The following FAM135A variants were observed in gnomAD, a reference collection of about 807,000 sequenced individuals.
The protein encoded by FAM135A is protein FAM135A.
Under a neutral mutation model 146.8 loss-of-function variants are expected in FAM135A, and 79 were observed. That is an observed-to-expected ratio of 0.54 (90% CI 0.45 to 0.65). FAM135A has a LOEUF of 0.65. FAM135A is among the 30% of genes least tolerant of loss of function. FAM135A has a pLI of 0.00. For synonymous variants in FAM135A, 562 were observed against 603.6 expected (o/e 0.93, Z 1.01); for missense variants, 1,623 against 1,758.2 (o/e 0.92, Z 1.38).
intron 4 of FAM135A, among the ~76,000 whole-genome samples, chr6:70,434,273 G>A (rs1387956324): frequency 1.3e-5 from 2 of 152,180 alleles, no homozygotes; most frequent in Admixed American, 1.3e-4. Flanking sequence ...AAGGATAAGA[G>A]GATGGAATTA....
chr6:70,417,836 T>G (rs1408017357), intron 2 of FAM135A, among the ~76,000 whole-genome samples: 3 of 152,240 alleles, frequency 2.0e-5, no homozygotes, highest in African/African-American at 4.8e-5. Context: ...TTTTATCTTT[T>G]GGAATTGAGA....
chr6:70,425,660 A>G (rs1388492899), intron 2 of FAM135A, among the ~76,000 whole-genome samples: 2 of 152,230 alleles, frequency 1.3e-5, no homozygotes, highest in African/African-American at 4.8e-5. Context: ...GAGGAAAACT[A>G]TCCATAGCAC....
chr6:70,489,396 A>AT (rs112004172), intron 10 of FAM135A, among the ~76,000 whole-genome samples: 30,702 of 152,088 alleles, frequency 0.2, 3,401 homozygotes, highest in African/African-American at 0.29. Flanking sequence ...TCTAAATACA[A>AT]TTTACTTGTA....
At chr6:70,438,702 C>A (rs767471286) in intron 4 of FAM135A, among the ~76,000 whole-genome samples, 3 of 152,068 alleles carry the variant, frequency 2.0e-5, no homozygotes, top group Non-Finnish European at 4.4e-5. Flanking sequence ...CGAAAGTTCT[C>A]GACTTTAGGA....
At position 70,441,685 on chromosome 6, in the gene FAM135A, A is replaced by T. The variant is rs1211704; in HGVS notation, c.78-10807A>T. 5.1e-3 allele frequency among the ~76,000 whole-genome samples: 719 copies of T among 140,938 alleles called. 1 individual carries two copies. Among genetic ancestry groups the T allele is most frequent in the African/African-American group, 8.6e-3 (327 of 38,196 alleles). The allele number at this position is 140,938 out of a possible 152,430, so 92.5% of individuals were successfully genotyped here. On this transcript the variant is annotated intron_variant, in intron 4 of 21. Coordinates refer to ENST00000418814, the MANE Select transcript of FAM135A (RefSeq NM_001162529.3). ...TCCTTTCAGTTAACAGCATTAGCAA[A>T]TTTTTTTTTTTTTTTTTGAGATGGA...
chr6:70,429,550 ATATT>A (rs1771004864), intron 4 of FAM135A, among the ~76,000 whole-genome samples: 1 of 152,090 alleles, frequency 6.6e-6, no homozygotes, highest in African/African-American at 2.4e-5. Flanking sequence ...AAAAAAAAGA[ATATT>A]TAGGAAATTG....
At chr6:70,486,318 C>T in intron 10 of FAM135A, 2 of 1,250,752 alleles carry the variant, frequency 1.6e-6, no homozygotes, top group South Asian at 2.6e-5. Flanking sequence ...AAATTAGCAT[C>T]AGATTTCATA....
At chr6:70,485,544 A>G (rs1784455101) in intron 10 of FAM135A, among the ~76,000 whole-genome samples, 1 of 152,202 alleles carries the variant, frequency 6.6e-6, no homozygotes. Context: ...ACCAGTTTTA[A>G]TAAGTGGATA....
chr6:70,532,989 A>G (rs889593979), intron 16 of FAM135A, among the ~76,000 whole-genome samples, 171 bp from the exon 17 acceptor site: 3 of 152,122 alleles, frequency 2.0e-5, no homozygotes, highest in African/African-American at 7.2e-5. Flanking sequence ...TTGCCTGGCT[A>G]ATAGAAATCA....
intron 20 of FAM135A, 133 bp from the exon 21 acceptor site, chr6:70,556,614 GATC>G: frequency 3.6e-6 from 2 of 556,486 alleles, no homozygotes; most frequent in Non-Finnish European, 6.1e-6. Flanking sequence ...TTGGAGAAAG[GATC>G]ATCAAGTATT....
At chr6:70,469,460 C>T (rs1325832585) in intron 5 of FAM135A, among the ~76,000 whole-genome samples, 1 of 152,178 alleles carries the variant, frequency 6.6e-6, no homozygotes, top group Non-Finnish European at 1.5e-5. Flanking sequence ...TTGTATACAA[C>T]TTCTTATCTG....
At chr6:70,444,865 T>C (rs1775352775) in intron 4 of FAM135A, among the ~76,000 whole-genome samples, 1 of 152,212 alleles carries the variant, frequency 6.6e-6, no homozygotes, top group South Asian at 2.1e-4. Flanking sequence ...TTTAACAGTT[T>C]ATTGACATAG....
intron 10 of FAM135A, among the ~76,000 whole-genome samples, chr6:70,486,421 CTAAT>C (rs912882928): frequency 2.0e-5 from 3 of 151,906 alleles, no homozygotes; most frequent in African/African-American, 7.3e-5. Context: ...GGTTAATTTC[CTAAT>C]TAATTTGTAA....
intron 8 of FAM135A, 82 bp from the exon 9 acceptor site, chr6:70,480,819 T>C: frequency 7.2e-7 from 1 of 1,388,104 alleles, no homozygotes; most frequent in Non-Finnish European, 9.6e-7. Context: ...GTTCTATTCC[T>C]GTAAGATTTT....
Position 70,538,305 on chromosome 6 carries a change from C to A in FAM135A, c.4132C>A (p.Gln1378Lys). ...TGACTCTCTAGGTCTCTGGTTTATG[C>A]AGAAATGGAAAAAATCAGGTTCGCT... ...ALVNTGLWFM[Q>K]KWKKSGSLLQ... Residue 1378 changes from glutamine to lysine, a missense_variant, in exon 20 of 22, where the codon CAG becomes AAG. Around this residue, in one of 7 missense-constraint regions of FAM135A, gnomAD observed 138 missense variants for 174.1 expected, o/e 0.79. Transcript: ENST00000418814. 6.6e-7 allele frequency: 1 copy of A among 1,509,716 alleles called. No homozygotes were observed. Among genetic ancestry groups the A allele is most frequent in the African/African-American group, 1.4e-5 (1 of 72,284 alleles). 93.5% of individuals were successfully genotyped at this position (1,509,716 alleles called of 1,614,324 possible). A position where few individuals can be genotyped will look rare whatever the true frequency, so the allele number is the denominator to read the frequency against.
chr6:70,522,369 A>G lies in FAM135A; in HGVS notation c.1030-144A>G, dbSNP rs74661433. On this transcript the variant is annotated intron_variant, in intron 12 of 21. Transcript: ENST00000418814. ...CATGCAGTACAAAAATACATTGGCA[A>G]CACTGAAGAGGGAGAAGGGAAGTTT... 4.2e-4 allele frequency: 281 copies of G among 667,472 alleles called. No homozygotes were observed. In the African/African-American group the frequency reaches 4.7e-3, roughly 11 times the overall value. The allele number at this position is 667,472 out of a possible 1,614,324, so 41.3% of individuals were successfully genotyped here.
chr6:70,460,850 T>C (rs1278738700), intron 5 of FAM135A, among the ~76,000 whole-genome samples: 1 of 138,612 alleles, frequency 7.2e-6, no homozygotes, highest in Non-Finnish European at 1.5e-5. Flanking sequence ...ATAGCTATCT[T>C]TTTTTTTTTT....
Position 70,525,771 on chromosome 6 carries a change from G to A in FAM135A, c.2687G>A (p.Ser896Asn), listed in dbSNP as rs1428030615. The change falls in exon 15 of 22, where the codon AGT becomes AAT. Residue 896 changes from serine to asparagine, a missense_variant. Ser to Asn is a conservative substitution (Grantham distance 46). Transcript: ENST00000418814. ...KKSSITLQQQSVVFSGNLDNE... is the reference protein window; with the variant it reads ...KKSSITLQQQNVVFSGNLDNE... ...TCAAGTATCACTTTGCAACAGCAGA[G>A]TGTTGTATTTTCAGGGAACTTGGAC... 2 of 1,613,390 alleles carry A rather than the reference G, an allele frequency of 1.2e-6. No homozygotes were observed. Among genetic ancestry groups the A allele is most frequent in the South Asian group, 2.2e-5 (2 of 91,016 alleles).
chr6:70,424,691 A>G (rs1404231059), intron 2 of FAM135A, among the ~76,000 whole-genome samples: 1 of 152,140 alleles, frequency 6.6e-6, no homozygotes, highest in Non-Finnish European at 1.5e-5. Flanking sequence ...ATTTCTTTCC[A>G]TCTTTGCTTA....
Sources: allele counts gnomAD v4.1 joint callset (sites outside exome capture counted in the v4.1 genomes callset), GRCh38; gene constraint gnomAD v4.1.1; regional missense constraint gnomAD v4.1.1; transcripts MANE v1.5; gene names NCBI Gene and HGNC (gene_info 2026-07-23, HGNC 2026-07-21).